ZNF804B: variants seen among roughly 807,000 people sequenced by gnomAD.
The protein encoded by ZNF804B is zinc finger 804B.
Under a neutral mutation model 101.4 loss-of-function variants are expected in ZNF804B, and 80 were observed. That is an observed-to-expected ratio of 0.79 (90% confidence interval 0.66 to 0.95). ZNF804B has a LOEUF of 0.95. ZNF804B is among the 40% of genes least tolerant of loss of function. The probability of loss-of-function intolerance (pLI) is 0.00; values close to 1 mark genes in which losing one functional copy is unlikely to be tolerated. For synonymous variants in ZNF804B, 622 were observed against 558.8 expected, an observed-to-expected ratio of 1.11 and a Z score of -1.59; for missense variants, 1,673 against 1,561.9, an observed-to-expected ratio of 1.07 and a Z score of -1.20.
chr7:89,167,706 T>C (rs1406826857), intron 1 of ZNF804B, among the ~76,000 whole-genome samples: 1 of 152,146 alleles, frequency 6.6e-6, no homozygotes, highest in Non-Finnish European at 1.5e-5. Flanking sequence ...GTTTGAACTC[T>C]GTGTATTCCA....
At chr7:88,819,045 G>T (rs1790930904) in intron 1 of ZNF804B, among the ~76,000 whole-genome samples, 1 of 152,180 alleles carries the variant, frequency 6.6e-6, no homozygotes, top group African/African-American at 2.4e-5. Context: ...AGCAGCAGGA[G>T]ATAGTAGCGT....
intron 1 of ZNF804B, among the ~76,000 whole-genome samples, chr7:89,030,001 T>C (rs958019772): frequency 2.3e-4 from 35 of 152,304 alleles, no homozygotes; most frequent in African/African-American, 8.2e-4. Context: ...AGGGTTGTGG[T>C]TACGTTACCA....
chr7:88,811,634 A>G (rs1790789611), intron 1 of ZNF804B, among the ~76,000 whole-genome samples: 2 of 152,212 alleles, frequency 1.3e-5, no homozygotes, highest in South Asian at 4.1e-4. Context: ...CTGGAGTACT[A>G]TGCAGCTATA....
In ZNF804B at chr7:89,323,146, C is replaced by T. The variant is rs796874642; in HGVS notation, c.250-4198C>T. On this transcript the variant is annotated intron_variant, in intron 2 of 3. Coordinates refer to ENST00000333190, the MANE Select transcript of ZNF804B (RefSeq NM_181646.5). ...GATATAACAAAAAGATGTCCATCTG[C>T]AAACCAGGAAGAATTTCATAACTAG... Among the ~76,000 whole-genome samples the T allele has an allele frequency of 2.0e-5, 3 of 152,298 alleles. No individual in the cohort carries two copies. In the South Asian group the frequency reaches 6.2e-4, roughly 32 times the overall value.
intron 1 of ZNF804B, among the ~76,000 whole-genome samples, chr7:88,876,817 T>C (rs907420071): frequency 6.6e-6 from 1 of 151,074 alleles, no homozygotes; most frequent in Non-Finnish European, 1.5e-5. Flanking sequence ...ATAAAATCTT[T>C]ATAAGAGAAT....
rs141672114 is a variant in ZNF804B, at chr7:89,129,980, T to C, written c.109-88175T>C. 3.1e-4 allele frequency among the ~76,000 whole-genome samples: 47 copies of C among 152,130 alleles called. No individual in the cohort carries two copies. In the Middle Eastern group the frequency reaches 0.014, roughly 44 times the overall value. Reference sequence around the variant, plus strand: ...GAATTATATTCCCTTTAATTTTTCATGGTAAAATTGTGTGTAGACTTCTCC... The same window carrying C: ...GAATTATATTCCCTTTAATTTTTCACGGTAAAATTGTGTGTAGACTTCTCC... On this transcript the variant is annotated intron_variant, in intron 1 of 3. Coordinates refer to ENST00000333190, the MANE Select transcript of ZNF804B (RefSeq NM_181646.5).
In ZNF804B at chr7:89,080,470, G is replaced by A. The variant is rs538733858; in HGVS notation, c.109-137685G>A. 3.9e-4 allele frequency among the ~76,000 whole-genome samples: 60 copies of A among 151,986 alleles called. No homozygotes were observed. The East Asian group carries it at 6.6e-3, about 17-fold the overall frequency. ...ATAGCTTTTAGGAAGTAATACTTCC[G>A]TTCTGAGAGCAGGAGAACCTCTAAT... On this transcript the variant is annotated intron_variant, in intron 1 of 3. Transcript: ENST00000333190.
intron 1 of ZNF804B, among the ~76,000 whole-genome samples, chr7:88,992,394 T>A (rs1342330604): frequency 1.3e-5 from 2 of 152,124 alleles, no homozygotes; most frequent in Non-Finnish European, 2.9e-5. Flanking sequence ...TTATTATGGT[T>A]GCTTAACAAA....
intron 2 of ZNF804B, among the ~76,000 whole-genome samples, chr7:89,267,721 T>G (rs1280429039): frequency 3.9e-5 from 6 of 152,164 alleles, no homozygotes; most frequent in African/African-American, 1.4e-4. Context: ...GAAGGATGTT[T>G]TTGCTTTTTC....
intron 2 of ZNF804B, among the ~76,000 whole-genome samples, chr7:89,318,235 A>AT (rs1329356967): frequency 1.7e-4 from 26 of 152,152 alleles, no homozygotes; most frequent in African/African-American, 5.1e-4. Flanking sequence ...GCTAATAGGA[A>AT]TGGAAAGAGG....
At position 89,204,043 on chromosome 7, in the gene ZNF804B, G is replaced by T. The variant is rs979574565; in HGVS notation, c.109-14112G>T. ...AGTGGCTAGATCAGCATTGTTTAAT[G>T]GTCATTTCTCTCATAGATGACTCTC... On this transcript the variant is annotated intron_variant, in intron 1 of 3. Transcript: ENST00000333190. Among the ~76,000 whole-genome samples, 8 of 152,186 alleles carry T rather than the reference G, an allele frequency of 5.3e-5. No homozygotes were observed. In the South Asian group the frequency reaches 1.5e-3, roughly 28 times the overall value.
At chr7:88,817,443 G>A (rs558112940) in intron 1 of ZNF804B, among the ~76,000 whole-genome samples, 11 of 120,272 alleles carry the variant, frequency 9.1e-5, no homozygotes, top group East Asian at 5.7e-4. Context: ...GGCAGTTAGC[G>A]CTACCAACCT....
At chr7:88,833,598 T>C (rs1055403757) in intron 1 of ZNF804B, among the ~76,000 whole-genome samples, 1 of 151,886 alleles carries the variant, frequency 6.6e-6, no homozygotes, top group Non-Finnish European at 1.5e-5. Flanking sequence ...AGAAGAGCAA[T>C]TCATTATTTC....
intron 2 of ZNF804B, among the ~76,000 whole-genome samples, chr7:89,309,376 T>C (rs777220744): frequency 2.0e-5 from 3 of 152,270 alleles, no homozygotes; most frequent in Non-Finnish European, 4.4e-5. Context: ...TAACTAAGGA[T>C]GTAGAGTAAA....
At chr7:88,940,768 A>AAATAT (rs140756348) in intron 1 of ZNF804B, among the ~76,000 whole-genome samples, 2 of 139,488 alleles carry the variant, frequency 1.4e-5, no homozygotes, top group African/African-American at 2.6e-5. Context: ...ACCCTATTTA[A>AAATAT]AATAATAATA....
chr7:88,827,711 AC>A lies in ZNF804B; in HGVS notation c.108+67629del, dbSNP rs1271851046. Among the ~76,000 whole-genome samples the A allele has an allele frequency of 6.6e-5, 10 of 151,964 alleles. No homozygotes were observed. The South Asian group carries it at 1.3e-3, about 19-fold the overall frequency. ...ACCTCGTTTTCCCTCCACTCTGAAA[AC>A]CACATAAAGGCGTTCTCTGTGCAGC... On this transcript the variant is annotated intron_variant, in intron 1 of 3. Coordinates refer to ENST00000333190, the MANE Select transcript of ZNF804B (RefSeq NM_181646.5).
At chr7:89,260,918 C>T (rs947020656) in intron 2 of ZNF804B, among the ~76,000 whole-genome samples, 11 of 152,050 alleles carry the variant, frequency 7.2e-5, no homozygotes, top group African/African-American at 2.2e-4. Flanking sequence ...CATATGGGTT[C>T]GATGTTGTTC....
chr7:88,843,389 AT>A (rs1051278106), intron 1 of ZNF804B, among the ~76,000 whole-genome samples: 17 of 152,084 alleles, frequency 1.1e-4, no homozygotes, highest in African/African-American at 2.9e-4. Context: ...TTTCCTGAGA[AT>A]TTTTTTTATG....
intron 1 of ZNF804B, among the ~76,000 whole-genome samples, chr7:89,180,793 A>T (rs1190267170): frequency 6.7e-6 from 1 of 149,886 alleles, no homozygotes; most frequent in African/African-American, 2.5e-5. Context: ...TCACTAGGTC[A>T]TGTGCCCTGT....
Sources: gnomAD v4.1 joint callset for allele counts (sites outside exome capture counted in the v4.1 genomes callset) on GRCh38, gnomAD v4.1.1 for gene constraint, MANE v1.5 for transcripts, NCBI Gene and HGNC (gene_info 2026-07-23, HGNC 2026-07-21) for gene names.